The following SLC18A2 variants were observed in gnomAD, a reference collection of about 807,000 sequenced individuals.
SLC18A2 encodes the protein solute carrier family 18 member A2.
In SLC18A2, 33 loss-of-function variants were observed where a neutral mutation model predicts 59.2. The ratio of observed to expected loss-of-function variants is 0.56; its 90% confidence interval spans 0.42 to 0.75. SLC18A2 has a LOEUF of 0.75. Among genes scored for constraint, SLC18A2 ranks in the 30% least tolerant of loss-of-function variants. The probability of loss-of-function intolerance (pLI) is 0.00; values close to 1 mark genes in which losing one functional copy is unlikely to be tolerated. For missense variants in SLC18A2, 569 were observed against 668.6 expected, an observed-to-expected ratio of 0.85 and a Z score of 1.64; for synonymous variants, 228 against 253.5, an observed-to-expected ratio of 0.90 and a Z score of 0.95.
At chr10:117,274,832 G>GT (rs1844466797) in intron 15 of SLC18A2, among the ~76,000 whole-genome samples, 1 of 152,124 alleles carries the variant, frequency 6.6e-6, no homozygotes. Context: ...GTGCAGGGAG[G>GT]TAACTAAGAT....
chr10:117,257,335 C>T (rs1844242143), intron 9 of SLC18A2, among the ~76,000 whole-genome samples: 2 of 152,010 alleles, frequency 1.3e-5, no homozygotes, highest in African/African-American at 2.4e-5. Context: ...GCACCTGATC[C>T]TGCTTGGATT....
At chr10:117,258,476 A>G (rs754939172) in intron 10 of SLC18A2, among the ~76,000 whole-genome samples, 14 of 152,208 alleles carry the variant, frequency 9.2e-5, no homozygotes, top group Non-Finnish European at 1.5e-4. Flanking sequence ...TGCCATTTAC[A>G]TCACTGTGTG....
chr10:117,242,107 T>C (rs1355618329), intron 2 of SLC18A2, among the ~76,000 whole-genome samples: 1 of 152,236 alleles, frequency 6.6e-6, no homozygotes, highest in Non-Finnish European at 1.5e-5. Context: ...TTCACTGCGA[T>C]GAAAAAGATT....
chr10:117,269,013 C>T lies in SLC18A2; in HGVS notation c.1187-1058C>T, dbSNP rs1844386538. 6.6e-6 allele frequency among the ~76,000 whole-genome samples: 1 copy of T among 151,486 alleles called. No homozygotes were observed. Among genetic ancestry groups the T allele is most frequent in the Non-Finnish European group, 1.5e-5 (1 of 67,822 alleles). On this transcript the variant is annotated intron_variant, in intron 13 of 15. Transcript: ENST00000644641. The surrounding 1 kb of genome is among the most constrained non-coding windows in gnomAD (Gnocchi z 5.1). ...ATACACACAAACACACATACACACA[C>T]TGACACACGCATACACACACACATA... is the stretch of plus-strand genomic sequence containing the variant.
Position 117,254,123 on chromosome 10 carries a change from CTG to C in SLC18A2, c.602_603del (p.Val201GlyfsTer13). The C allele has an allele frequency of 6.2e-7, 1 of 1,613,334 alleles. No individual in the cohort carries two copies. The highest frequency in any genetic ancestry group is 8.5e-7 in the Non-Finnish European group (1 of 1,180,012). ...CAGGGCATCGGCTCGTCCTGCTCCT[CTG>C]TGGCTGGTAGGTGTGGAATGCCTGA... is the stretch of plus-strand genomic sequence containing the variant. On this transcript the variant is annotated frameshift_variant, in exon 5 of 16. Coordinates refer to ENST00000644641, the MANE Select transcript of SLC18A2 (RefSeq NM_003054.6). LOFTEE classifies it high-confidence loss of function.
chr10:117,258,015 C>T, intron 10 of SLC18A2, 123 bp downstream of exon 10: 1 of 615,904 alleles, frequency 1.6e-6, no homozygotes, highest in Non-Finnish European at 2.8e-6. Context: ...CTGTTTGACT[C>T]TTAATGGGGT....
At position 117,257,907 on chromosome 10, in the gene SLC18A2, G is replaced by A; in HGVS notation, c.991+15G>A. The A allele has an allele frequency of 1.9e-6, 3 of 1,569,282 alleles. No individual in the cohort carries two copies. Among genetic ancestry groups the A allele is most frequent in the Non-Finnish European group, 2.6e-6 (3 of 1,148,518 alleles). On this transcript the variant is annotated intron_variant, in intron 10 of 15. Coordinates refer to ENST00000644641, the MANE Select transcript of SLC18A2 (RefSeq NM_003054.6). ...GTGGCAGCTGGGTAAGGACTGGGGT[G>A]GGCTCTTCTGATTCAAGAGCATTTG... is the stretch of plus-strand genomic sequence containing the variant.
intron 10 of SLC18A2, among the ~76,000 whole-genome samples, chr10:117,266,121 A>G (rs1375751896): frequency 6.7e-6 from 1 of 149,796 alleles, no homozygotes; most frequent in Non-Finnish European, 1.5e-5. Flanking sequence ...ATCTGACTTG[A>G]CAACAAAAAA....
chr10:117,267,014 T>G lies in SLC18A2; in HGVS notation c.1101T>G (p.Ile367Met), dbSNP rs927267827. 7 of 1,613,580 alleles carry G rather than the reference T, an allele frequency of 4.3e-6. No individual in the cohort carries two copies. The highest frequency in any genetic ancestry group is 5.9e-6 in the Non-Finnish European group (7 of 1,179,874). Residue 367 changes from isoleucine to methionine, a missense_variant, in exon 12 of 16, where the codon ATT becomes ATG. Ile to Met is a conservative substitution (Grantham distance 10). Transcript: ENST00000644641. The part of the protein sequence containing the change: ...RWLCALLGMI[I>M]VGVSILCIPF... ...TTTGTGCTCTTCTGGGAATGATAAT[T>G]GTTGGAGTCAGCATTTTATGTGTGA... is the stretch of plus-strand genomic sequence containing the variant.
chr10:117,261,252 G>T (rs1015817281), intron 10 of SLC18A2, among the ~76,000 whole-genome samples: 2 of 150,944 alleles, frequency 1.3e-5, no homozygotes, highest in Admixed American at 6.6e-5. Flanking sequence ...AAAAAAATTA[G>T]CCAGGAGTAG....
intron 10 of SLC18A2, among the ~76,000 whole-genome samples, chr10:117,264,146 C>T (rs1168501078): frequency 6.6e-6 from 1 of 152,226 alleles, no homozygotes; most frequent in Non-Finnish European, 1.5e-5. Context: ...GTGGCTGAAG[C>T]CAGATTGTAC....
At chr10:117,250,487 AG>A (rs1300125389) in intron 3 of SLC18A2, among the ~76,000 whole-genome samples, 1 of 152,246 alleles carries the variant, frequency 6.6e-6, no homozygotes, top group African/African-American at 2.4e-5. Flanking sequence ...AAAATTAAAA[AG>A]AAAAACAGTA....
chr10:117,277,086 T>C lies in SLC18A2; in HGVS notation c.1441-76T>C, dbSNP rs994994275. ...TACATAGTTTTCAAACTAATAATCC[T>C]TAAAAACAGTAGGTTAAAACCATCT... On this transcript the variant is annotated intron_variant, in intron 15 of 15. Transcript: ENST00000644641. 4 of 853,318 alleles carry C rather than the reference T, an allele frequency of 4.7e-6. No individual in the cohort carries two copies. In the African/African-American group the frequency reaches 6.9e-5, roughly 15 times the overall value. The allele number at this position is 853,318 out of a possible 1,614,324, so 52.9% of individuals were successfully genotyped here. A position where few individuals can be genotyped will look rare whatever the true frequency, so the allele number is the denominator to read the frequency against.
At chr10:117,276,644 A>AAGAAAGAAAGAC (rs57151913) in intron 15 of SLC18A2, among the ~76,000 whole-genome samples, 92,233 of 132,918 alleles carry the variant, frequency 0.69, 32,930 homozygotes, top group Non-Finnish European at 0.78. Context: ...GAAAGAAAGA[A>AAGAAAGAAAGAC]AGAAAGAAAA....
At chr10:117,253,562 G>GA (rs1021906925) in intron 4 of SLC18A2, 105 bp downstream of exon 4, 1 of 320,278 alleles carries the variant, frequency 3.1e-6, no homozygotes, top group African/African-American at 2.4e-5. Flanking sequence ...CGGGGGGGCG[G>GA]GGGGGGTCGT....
Position 117,278,422 on chromosome 10 carries a change from A to G in SLC18A2, c.*1156A>G, listed in dbSNP as rs569809192. 106 of 152,294 alleles carry G rather than the reference A, an allele frequency of 7.0e-4. No homozygotes were observed. The highest frequency in any genetic ancestry group is 2.5e-3 in the African/African-American group (102 of 41,578). The allele number at this position is 152,294 out of a possible 1,614,324, so 9.4% of individuals were successfully genotyped here. A position where few individuals can be genotyped will look rare whatever the true frequency, so the allele number is the denominator to read the frequency against. ...ACATCTAAAAATGTATGTGCTAACT[A>G]TATCATCCAGTGTGCAGTGTTGTGT... On this transcript the variant is annotated 3_prime_UTR_variant, in exon 16 of 16. Coordinates refer to ENST00000644641, the MANE Select transcript of SLC18A2 (RefSeq NM_003054.6).
At chr10:117,244,532 T>C (rs1375485421) in intron 3 of SLC18A2, among the ~76,000 whole-genome samples, 2 of 152,318 alleles carry the variant, frequency 1.3e-5, no homozygotes, top group Non-Finnish European at 2.9e-5. Context: ...AAGAAAATAT[T>C]AAAGAAGACA....
At chr10:117,272,687 G>A (rs1483498044) in intron 15 of SLC18A2, among the ~76,000 whole-genome samples, 1 of 152,182 alleles carries the variant, frequency 6.6e-6, no homozygotes, top group Non-Finnish European at 1.5e-5. Flanking sequence ...TAAGCACCTA[G>A]CAAGATAAAT....
At position 117,269,950 on chromosome 10, in the gene SLC18A2, G is replaced by A. The variant is rs1298082841; in HGVS notation, c.1187-121G>A. The A allele has an allele frequency of 1.1e-5, 13 of 1,172,538 alleles. No individual in the cohort carries two copies. The highest frequency in any genetic ancestry group is 1.5e-5 in the African/African-American group (1 of 65,466). The allele number at this position is 1,172,538 out of a possible 1,614,324, so 72.6% of individuals were successfully genotyped here. A position where few individuals can be genotyped will look rare whatever the true frequency, so the allele number is the denominator to read the frequency against. On this transcript the variant is annotated intron_variant, in intron 13 of 15. Coordinates refer to ENST00000644641, the MANE Select transcript of SLC18A2 (RefSeq NM_003054.6). This position sits in a 1 kb window ranked among gnomAD's most constrained non-coding sequence, Gnocchi z 5.1. ...ATTAGTATCACCCCAAGACTTGCAGGTGGTGATGACAGAAGGGGAAGAGCT... is the reference window on the plus strand; with the variant it reads ...ATTAGTATCACCCCAAGACTTGCAGATGGTGATGACAGAAGGGGAAGAGCT...
Sources: allele counts gnomAD v4.1 joint callset (sites outside exome capture counted in the v4.1 genomes callset), GRCh38; gene constraint gnomAD v4.1.1; non-coding constraint Gnocchi (gnomAD v3.1); transcripts MANE v1.5; gene names NCBI Gene and HGNC (gene_info 2026-07-23, HGNC 2026-07-21).